The following DIS3L variants were observed in gnomAD, a reference collection of about 807,000 sequenced individuals.
DIS3L encodes the protein DIS3 like exosome 3'-5' exoribonuclease, also known as DIS3-like exonuclease 1.
Under a neutral mutation model 120.3 loss-of-function variants are expected in DIS3L, and 100 were observed. That is an observed-to-expected ratio of 0.83 (90% confidence interval 0.71 to 0.98). The LOEUF (loss-of-function observed/expected upper bound fraction) is 0.98, where lower values mean the gene tolerates loss of function less well. Among genes scored for constraint, DIS3L ranks in the 50% least tolerant of loss-of-function variants. DIS3L has a pLI of 0.00. For synonymous variants in DIS3L, 426 were observed against 470.6 expected, an observed-to-expected ratio of 0.91 and a Z score of 1.23; for missense variants, 1,196 against 1,314.2, an observed-to-expected ratio of 0.91 and a Z score of 1.39.
In DIS3L at chr15:66,311,579, G is replaced by A. The variant is rs2092761806; in HGVS notation, c.559-145G>A. The A allele has an allele frequency of 9.1e-6, 8 of 878,776 alleles. No homozygotes were observed. In the South Asian group the frequency reaches 9.4e-5, roughly 10 times the overall value. The allele number at this position is 878,776 out of a possible 1,614,324, so 54.4% of individuals were successfully genotyped here. On this transcript the variant is annotated intron_variant, in intron 4 of 16. Coordinates refer to ENST00000319212, the MANE Select transcript of DIS3L (RefSeq NM_001143688.3). Reference sequence around the variant, plus strand: ...AATGTGGTAGTAGAGAATGAATGGTGGAGTGAGGCTCAGGAAGTCCTGCTC... The same window carrying A: ...AATGTGGTAGTAGAGAATGAATGGTAGAGTGAGGCTCAGGAAGTCCTGCTC...
In DIS3L at chr15:66,293,714, C is replaced by T. The variant is rs1309574366; in HGVS notation, c.118C>T (p.Gln40Ter). The change falls in exon 1 of 17, where the codon CAG becomes TAG. Residue 40 changes from glutamine to a stop codon, truncating the protein, a stop_gained. Transcript: ENST00000319212. LOFTEE classifies it high-confidence loss of function. Reference protein sequence around the residue: ...CVPCHSPLCPQPAACSHDGKL... With the variant: ...CVPCHSPLCP ...GCCCTGCCACAGCCCGCTCTGCCCG[C>T]AGCCCGCCGCCTGCAGCCACGGTCA... The T allele has an allele frequency of 3.8e-6, 5 of 1,323,986 alleles. No individual in the cohort carries two copies. In the African/African-American group the frequency reaches 7.7e-5, roughly 20 times the overall value. 82.0% of individuals were successfully genotyped at this position (1,323,986 alleles called of 1,614,324 possible). A position where few individuals can be genotyped will look rare whatever the true frequency, so the allele number is the denominator to read the frequency against.
Position 66,307,249 on chromosome 15 carries a change from G to A in DIS3L, c.422+297G>A, listed in dbSNP as rs1395800342. On this transcript the variant is annotated intron_variant, in intron 3 of 16. Coordinates refer to ENST00000319212, the MANE Select transcript of DIS3L (RefSeq NM_001143688.3). ...GAACTAGAAGTCATAACTTTAATGC[G>A]TGTATGTATGGAGAAGGCAGAAGAG... Among the ~76,000 whole-genome samples, 1 of 151,988 alleles carries A rather than the reference G, an allele frequency of 6.6e-6. No individual in the cohort carries two copies. Among genetic ancestry groups the A allele is most frequent in the Non-Finnish European group, 1.5e-5 (1 of 68,002 alleles).
rs1286445937 is a variant in DIS3L, at chr15:66,332,428, G to A, written c.2682-308G>A. Among the ~76,000 whole-genome samples the A allele has an allele frequency of 6.2e-5, 9 of 145,650 alleles. No individual in the cohort carries two copies. The Admixed American group carries it at 6.3e-4, about 10-fold the overall frequency. On this transcript the variant is annotated intron_variant, in intron 15 of 16. Coordinates refer to ENST00000319212, the MANE Select transcript of DIS3L (RefSeq NM_001143688.3). ...GCCAAGATCGTGCCACTGCACTCCA[G>A]CCTGGGCGACAGAGCAAGACTCTGT...
chr15:66,330,956 A>G (rs2092992283), intron 14 of DIS3L, among the ~76,000 whole-genome samples: 1 of 152,134 alleles, frequency 6.6e-6, no homozygotes, highest in South Asian at 2.1e-4. Context: ...GGAGTTCCAG[A>G]GCAGCCTGGC....
chr15:66,329,087 C>T lies in DIS3L; in HGVS notation c.2319C>T (p.Ser773=), dbSNP rs756377229. The T allele has an allele frequency of 6.2e-7, 1 of 1,614,014 alleles. No homozygotes were observed. The highest frequency in any genetic ancestry group is 1.7e-5 in the Admixed American group (1 of 59,928). The stretch of plus-strand genomic sequence containing the variant: ...CCATGTCGAATGCTCTGTACTTCTC[C>T]ACCGGATCCTGTGCGGAGGAGGAGT... The part of the protein sequence containing the change: ...TQAMSNALYF[S]TGSCAEEEFH... The change falls in exon 13 of 17, where the codon TCC becomes TCT. Residue 773 remains serine (S), a synonymous_variant. Coordinates refer to ENST00000319212, the MANE Select transcript of DIS3L (RefSeq NM_001143688.3).
Position 66,329,275 on chromosome 15 carries a change from A to G in DIS3L, c.2411A>G (p.Asp804Gly). The change falls in exon 14 of 17, where the codon GAT (aspartate) becomes GGT (glycine). Residue 804 changes from aspartate to glycine, a missense_variant. Transcript: ENST00000319212. Reference protein sequence around the residue: ...HFTSPIRRYSDIVVHRLLMAA... With the variant: ...HFTSPIRRYSGIVVHRLLMAA... ...ACTTCTCCAATAAGAAGATATTCAG[A>G]TATTGTAGTACACCGCTTGTTAATG... The G allele has an allele frequency of 6.2e-7, 1 of 1,613,428 alleles. No individual in the cohort carries two copies. Among genetic ancestry groups the G allele is most frequent in the Non-Finnish European group, 8.5e-7 (1 of 1,179,830 alleles).
chr15:66,319,363 A>G (rs1290593864), intron 8 of DIS3L, among the ~76,000 whole-genome samples: 1 of 152,236 alleles, frequency 6.6e-6, no homozygotes, highest in Non-Finnish European at 1.5e-5. Flanking sequence ...CAGAGAGAAC[A>G]TACATTATCC....
Position 66,293,590 on chromosome 15 carries a change from C to T in DIS3L, c.-7C>T. 7.0e-7 allele frequency: 1 copy of T among 1,428,188 alleles called. No homozygotes were observed. The highest frequency in any genetic ancestry group is 9.2e-7 in the Non-Finnish European group (1 of 1,090,760). 88.5% of individuals were successfully genotyped at this position (1,428,188 alleles called of 1,614,324 possible). On this transcript the variant is annotated 5_prime_UTR_variant, in exon 1 of 17. It adds an upstream start codon to the 5' untranslated region. Coordinates refer to ENST00000319212, the MANE Select transcript of DIS3L (RefSeq NM_001143688.3). Reference sequence around the variant, plus strand: ...GCCACTCCGCGGCCGCCGGGAGACACGCCGCCATGCTGCAGAAGCGGGAGA... The same window carrying T: ...GCCACTCCGCGGCCGCCGGGAGACATGCCGCCATGCTGCAGAAGCGGGAGA...
At chr15:66,301,271 A>ATATT (rs59588832) in intron 2 of DIS3L, among the ~76,000 whole-genome samples, 13,633 of 150,876 alleles carry the variant, frequency 0.09, 2,042 homozygotes, top group African/African-American at 0.31. Flanking sequence ...AGTTGAATTT[A>ATATT]TATTTATTTA....
intron 5 of DIS3L, among the ~76,000 whole-genome samples, chr15:66,312,251 A>G (rs1394249683): frequency 1.3e-5 from 2 of 151,184 alleles, no homozygotes; most frequent in East Asian, 3.9e-4. Context: ...ACCAGCCAGT[A>G]TGTTTTCTCC....
intron 15 of DIS3L, 116 bp downstream of exon 15, chr15:66,332,136 ATAATG>A: frequency 1.9e-6 from 2 of 1,052,752 alleles, no homozygotes; most frequent in Admixed American, 2.7e-5. Flanking sequence ...TCATATGTAC[ATAATG>A]TAATGTATAA....
chr15:66,329,726 A>G, intron 14 of DIS3L: 4 of 1,004,878 alleles, frequency 4.0e-6, no homozygotes, highest in Non-Finnish European at 4.8e-6. Context: ...AGCCTGGCCA[A>G]TATGGTGAAA....
At position 66,326,006 on chromosome 15, in the gene DIS3L, G is replaced by A; in HGVS notation, c.1843G>A (p.Glu615Lys). The A allele has an allele frequency of 6.2e-7, 1 of 1,614,190 alleles. No homozygotes were observed. The highest frequency in any genetic ancestry group is 8.5e-7 in the Non-Finnish European group (1 of 1,180,036). ...DDIPEFKDLD[E>K]KSRQAKLEEL... ...TATTCCAGAATTCAAAGACTTGGAT[G>A]AGAAGAGCAGACAAGCCAAGCTGGA... Residue 615 changes from glutamate to lysine, a missense_variant, in exon 12 of 17, where the codon GAG becomes AAG. Coordinates refer to ENST00000319212, the MANE Select transcript of DIS3L (RefSeq NM_001143688.3).
intron 14 of DIS3L, chr15:66,329,737 C>G (rs2092979642): frequency 2.4e-5 from 24 of 991,186 alleles, no homozygotes; most frequent in Non-Finnish European, 2.8e-5. Flanking sequence ...TATGGTGAAA[C>G]CCCATCTCTA....
At chr15:66,304,304 T>G (rs1356549894) in intron 2 of DIS3L, among the ~76,000 whole-genome samples, 1 of 151,246 alleles carries the variant, frequency 6.6e-6, no homozygotes, top group Non-Finnish European at 1.5e-5. Context: ...AATACAAAAA[T>G]TAGCCGAGCA....
intron 6 of DIS3L, among the ~76,000 whole-genome samples, chr15:66,314,323 A>G (rs2092795445): frequency 6.6e-6 from 1 of 152,168 alleles, no homozygotes; most frequent in Non-Finnish European, 1.5e-5. Context: ...TTAAACTACA[A>G]CACAGAGAAG....
chr15:66,308,932 G>C, intron 4 of DIS3L, 88 bp downstream of exon 4: 1 of 1,447,348 alleles, frequency 6.9e-7, no homozygotes, highest in East Asian at 2.3e-5. Context: ...ACAGAAAAGA[G>C]AAAAGAGGAA....
Position 66,314,064 on chromosome 15 carries a change from G to T in DIS3L, c.761G>T (p.Arg254Ile). 6.5e-7 allele frequency: 1 copy of T among 1,540,694 alleles called. No individual in the cohort carries two copies. Among genetic ancestry groups the T allele is most frequent in the South Asian group, 1.2e-5 (1 of 80,158 alleles). The change falls in exon 6 of 17, where the codon AGA (arginine) becomes ATA (isoleucine). Residue 254 changes from arginine to isoleucine, a missense_variant. Arg to Ile is a moderately conservative substitution (Grantham distance 97, BLOSUM62 -3). Transcript: ENST00000319212. The part of the protein sequence containing the change: ...IQGILNVNKH[R>I]AQIEAFVRLQ... ...GGAATTCTGAATGTCAACAAACACAGAGCCCAAATAGAAGCTTTTGTTCGA... is the reference window on the plus strand; with the variant it reads ...GGAATTCTGAATGTCAACAAACACATAGCCCAAATAGAAGCTTTTGTTCGA...
intron 5 of DIS3L, among the ~76,000 whole-genome samples, chr15:66,313,338 A>G (rs915042100): frequency 2.6e-5 from 4 of 152,214 alleles, no homozygotes; most frequent in Non-Finnish European, 5.9e-5. Flanking sequence ...AAGACTACTC[A>G]TCAGTTACAT....
Sources: allele counts gnomAD v4.1 joint callset (sites outside exome capture counted in the v4.1 genomes callset), GRCh38; gene constraint gnomAD v4.1.1; transcripts MANE v1.5; gene names NCBI Gene and HGNC (gene_info 2026-07-23, HGNC 2026-07-21).